CCSER2: variants seen among roughly 807,000 people sequenced by gnomAD.
CCSER2 encodes coiled-coil serine rich protein 2.
CCSER2 carries 46 observed loss-of-function variants against 92.3 expected under a neutral mutation model. The observed-to-expected ratio is 0.50, with a 90% CI of 0.39 to 0.64. CCSER2 has a LOEUF of 0.64. Among genes scored for constraint, CCSER2 ranks in the 30% least tolerant of loss-of-function variants. CCSER2 has a pLI of 0.00. For synonymous variants in CCSER2, 433 were observed against 431.4 expected (o/e 1.00, Z -0.04); for missense variants, 1,244 against 1,238.9 (o/e 1.00, Z -0.06).
intron 9 of CCSER2, among the ~76,000 whole-genome samples, chr10:84,485,750 AATT>A (rs747070237): frequency 3.6e-4 from 55 of 151,972 alleles, no homozygotes; most frequent in Admixed American, 9.8e-4. Context: ...ATGCTTTTTT[AATT>A]ATTATTATTA....
chr10:84,488,054 G>A (rs372595362), intron 9 of CCSER2, among the ~76,000 whole-genome samples: 145 of 152,228 alleles, frequency 9.5e-4, no homozygotes, highest in African/African-American at 1.5e-3. Context: ...ATTGATTTGC[G>A]TATGTTGAAC....
intron 3 of CCSER2, among the ~76,000 whole-genome samples, chr10:84,411,548 G>A (rs1022639683): frequency 3.3e-5 from 5 of 151,810 alleles, no homozygotes; most frequent in Non-Finnish European, 5.9e-5. Flanking sequence ...TAATACGTAC[G>A]TATTCTCTTC....
chr10:84,425,219 C>T, intron 4 of CCSER2: 3 of 942,600 alleles, frequency 3.2e-6, no homozygotes, highest in Non-Finnish European at 3.8e-6. Flanking sequence ...GTCTTACTTT[C>T]CGAAAATGTG....
At chr10:84,453,299 G>A (rs949707879) in intron 6 of CCSER2, among the ~76,000 whole-genome samples, 6 of 151,980 alleles carry the variant, frequency 3.9e-5, no homozygotes, top group African/African-American at 1.2e-4. Flanking sequence ...TTTCTTTGTG[G>A]GCTAGAACAG....
intron 9 of CCSER2, among the ~76,000 whole-genome samples, chr10:84,508,277 A>G (rs1472059100): frequency 6.6e-6 from 1 of 152,212 alleles, no homozygotes; most frequent in Non-Finnish European, 1.5e-5. Flanking sequence ...GTTTGAATCT[A>G]TACCCTTGGA....
chr10:84,474,382 T>G (rs958111022), intron 8 of CCSER2, among the ~76,000 whole-genome samples: 1 of 152,032 alleles, frequency 6.6e-6, no homozygotes, highest in African/African-American at 2.4e-5. Context: ...AGTACTGGGC[T>G]GGGCACGGTG....
chr10:84,467,368 C>T (rs1325521602), intron 7 of CCSER2, among the ~76,000 whole-genome samples: 1 of 152,136 alleles, frequency 6.6e-6, no homozygotes, highest in African/African-American at 2.4e-5. Context: ...TTCTTTCATG[C>T]TTGGTAATCC....
At chr10:84,414,360 C>T (rs1264352226) in intron 3 of CCSER2, among the ~76,000 whole-genome samples, 1 of 152,166 alleles carries the variant, frequency 6.6e-6, no homozygotes, top group Non-Finnish European at 1.5e-5. Flanking sequence ...TGTATTCCAT[C>T]GGCATTTGTT....
At position 84,477,604 on chromosome 10, in the gene CCSER2, T is replaced by C; in HGVS notation, c.2265T>C (p.Cys755=). 2 of 1,612,424 alleles carry C rather than the reference T, an allele frequency of 1.2e-6. No homozygotes were observed. The highest frequency in any genetic ancestry group is 2.2e-5 in the South Asian group (2 of 90,886). The change falls in exon 9 of 10, where the codon TGT becomes TGC. Residue 755 remains cysteine, a synonymous_variant. Coordinates refer to ENST00000372088, the MANE Select transcript of CCSER2 (RefSeq NM_001284240.2). ...LATQHICHQK[C]KEEKCTYADK... ...CTCAGCATATCTGCCACCAAAAATG[T>C]AAAGAGGAAAAATGCACTTATGCTG...
intron 5 of CCSER2, among the ~76,000 whole-genome samples, chr10:84,437,117 C>T (rs1844204899): frequency 6.7e-6 from 1 of 149,898 alleles, no homozygotes; most frequent in Non-Finnish European, 1.5e-5. Flanking sequence ...TACTTACTAA[C>T]TAGCCAACCA....
chr10:84,384,963 T>C (rs1257533675), intron 3 of CCSER2, among the ~76,000 whole-genome samples: 2 of 150,564 alleles, frequency 1.3e-5, no homozygotes, highest in African/African-American at 4.9e-5. Context: ...CCATCAGTGC[T>C]CAAACAGAAC....
At chr10:84,391,751 T>C in intron 3 of CCSER2, 2 of 1,514,700 alleles carry the variant, frequency 1.3e-6, no homozygotes, top group Non-Finnish European at 1.8e-6. Context: ...GCTACAGCAG[T>C]ATGAAGACCC....
intron 3 of CCSER2, among the ~76,000 whole-genome samples, chr10:84,399,121 C>T (rs1351894219): frequency 6.6e-6 from 1 of 152,128 alleles, no homozygotes; most frequent in African/African-American, 2.4e-5. Context: ...AGGCTTTTAG[C>T]ATACCCATCA....
chr10:84,368,509 A>G (rs1231121732), intron 1 of CCSER2, among the ~76,000 whole-genome samples: 1 of 152,136 alleles, frequency 6.6e-6, no homozygotes, highest in African/African-American at 2.4e-5. Flanking sequence ...TACTTTTGAC[A>G]TAATAACATG....
At chr10:84,408,452 C>T (rs1225652144) in intron 3 of CCSER2, among the ~76,000 whole-genome samples, 1 of 151,956 alleles carries the variant, frequency 6.6e-6, no homozygotes, top group Non-Finnish European at 1.5e-5. Context: ...TTCCTTCCTT[C>T]CTTCTTTCCT....
chr10:84,493,922 G>C (rs1450227533), intron 9 of CCSER2, among the ~76,000 whole-genome samples: 1 of 152,198 alleles, frequency 6.6e-6, no homozygotes, highest in East Asian at 1.9e-4. Flanking sequence ...GTCTGGGGGT[G>C]ATGGGAGACA....
intron 8 of CCSER2, among the ~76,000 whole-genome samples, chr10:84,471,517 C>T (rs1399029952): frequency 2.0e-5 from 3 of 152,036 alleles, no homozygotes; most frequent in African/African-American, 7.2e-5. Context: ...TTATGAACCT[C>T]CTATTTTATA....
chr10:84,387,719 G>A (rs1285262174), intron 3 of CCSER2, among the ~76,000 whole-genome samples: 1 of 151,820 alleles, frequency 6.6e-6, no homozygotes, highest in East Asian at 1.9e-4. Flanking sequence ...TAGTAGAGAC[G>A]GGGTTTCACC....
At chr10:84,349,423 A>C (rs911999621) in intron 1 of CCSER2, among the ~76,000 whole-genome samples, 3 of 152,134 alleles carry the variant, frequency 2.0e-5, no homozygotes, top group African/African-American at 7.2e-5. Flanking sequence ...CTATAATCCC[A>C]GCACTTGGGG....
Sources: gnomAD v4.1 joint callset for allele counts (sites outside exome capture counted in the v4.1 genomes callset) on GRCh38, gnomAD v4.1.1 for gene constraint, MANE v1.5 for transcripts, NCBI Gene and HGNC (gene_info 2026-07-23, HGNC 2026-07-21) for gene names.